The following IQCM variants were observed in gnomAD, a reference collection of about 807,000 sequenced individuals.
IQCM encodes IQ domain-containing protein M.
Under a neutral mutation model 57.6 loss-of-function variants are expected in IQCM, and 45 were observed. The ratio of observed to expected loss-of-function variants is 0.78; its 90% confidence interval spans 0.62 to 1.00. The LOEUF (loss-of-function observed/expected upper bound fraction) is 1.00, where lower values mean the gene tolerates loss of function less well. IQCM is among the 50% of genes least tolerant of loss of function. The probability of loss-of-function intolerance (pLI) is 0.00; values close to 1 mark genes in which losing one functional copy is unlikely to be tolerated. For synonymous variants in IQCM, 148 were observed against 158.9 expected (o/e 0.93, Z 0.51); for missense variants, 468 against 511.6 (o/e 0.91, Z 0.82).
intron 12 of IQCM, among the ~76,000 whole-genome samples, chr4:149,526,520 A>G (rs1746178393): frequency 6.6e-6 from 1 of 152,072 alleles, no homozygotes; most frequent in South Asian, 2.1e-4. Context: ...AATGTAAAAA[A>G]TGGCTCCTCA....
intron 12 of IQCM, among the ~76,000 whole-genome samples, chr4:149,476,147 C>T (rs1051001496): frequency 3.3e-5 from 5 of 152,052 alleles, no homozygotes; most frequent in African/African-American, 9.7e-5. Flanking sequence ...AGGGCTGAAT[C>T]TAGGGCACAA....
intron 10 of IQCM, among the ~76,000 whole-genome samples, 177 bp from the exon 11 acceptor site, chr4:149,553,464 G>A (rs757993218): frequency 6.6e-6 from 1 of 152,166 alleles, no homozygotes; most frequent in Non-Finnish European, 1.5e-5. Flanking sequence ...GAAGTTCAGA[G>A]ATTTCCATTA....
chr4:149,369,850 G>A, intron 13 of IQCM, among the ~76,000 whole-genome samples: 1 of 152,092 alleles, frequency 6.6e-6, no homozygotes, highest in East Asian at 1.9e-4. Flanking sequence ...TCACCAGAAA[G>A]TGATAAAAAT....
intron 5 of IQCM, among the ~76,000 whole-genome samples, chr4:149,712,029 C>T (rs1764598694): frequency 6.6e-6 from 1 of 152,072 alleles, no homozygotes; most frequent in Non-Finnish European, 1.5e-5. Context: ...GGACCAAAAC[C>T]AGAAGGATTT....
intron 2 of IQCM, among the ~76,000 whole-genome samples, chr4:149,813,718 T>A (rs567825734): frequency 6.6e-6 from 1 of 152,140 alleles, no homozygotes; most frequent in Non-Finnish European, 1.5e-5. Context: ...ATCTTTATAT[T>A]GAGCTAGAAC....
intron 13 of IQCM, among the ~76,000 whole-genome samples, chr4:149,359,811 CTT>C (rs753039911): frequency 2.6e-5 from 4 of 152,134 alleles, no homozygotes; most frequent in Non-Finnish European, 4.4e-5. Context: ...CCTGTGAACA[CTT>C]TAAAATTAAT....
chr4:149,354,652 A>G (rs1728832755), intron 13 of IQCM, among the ~76,000 whole-genome samples: 1 of 152,096 alleles, frequency 6.6e-6, no homozygotes, highest in African/African-American at 2.4e-5. Flanking sequence ...AAGAGTTAAA[A>G]TAGAAAGAAA....
chr4:149,562,151 A>T (rs1750186400), intron 10 of IQCM, among the ~76,000 whole-genome samples: 1 of 152,220 alleles, frequency 6.6e-6, no homozygotes, highest in Non-Finnish European at 1.5e-5. Context: ...TGTAAGCAAT[A>T]TAGGTCTTCA....
intron 13 of IQCM, among the ~76,000 whole-genome samples, chr4:149,407,169 C>G (rs115213394): frequency 2.6e-5 from 4 of 152,070 alleles, no homozygotes; most frequent in African/African-American, 9.7e-5. Flanking sequence ...ATTATCCCCC[C>G]CCAGGTCCCT....
intron 13 of IQCM, among the ~76,000 whole-genome samples, chr4:149,425,470 G>T (rs1734399713): frequency 6.6e-6 from 1 of 151,922 alleles, no homozygotes; most frequent in South Asian, 2.1e-4. Context: ...GGGGGTTGAT[G>T]GTGTAAGTCC....
chr4:149,642,723 G>T (rs901959130), intron 7 of IQCM, among the ~76,000 whole-genome samples: 14 of 152,176 alleles, frequency 9.2e-5, no homozygotes, highest in Middle Eastern at 3.4e-3. Context: ...CTTTCGTTTC[G>T]CTATGAGTTA....
At chr4:149,499,626 T>G (rs538540427) in intron 12 of IQCM, among the ~76,000 whole-genome samples, 1 of 152,204 alleles carries the variant, frequency 6.6e-6, no homozygotes, top group Admixed American at 6.6e-5. Context: ...TGGTCCTTAT[T>G]TATCATCTAA....
At chr4:149,660,129 T>C (rs979994927) in intron 7 of IQCM, among the ~76,000 whole-genome samples, 5 of 150,458 alleles carry the variant, frequency 3.3e-5, no homozygotes, top group Non-Finnish European at 7.4e-5. Context: ...TCAAACAAAT[T>C]TACAAGAAAA....
At chr4:149,405,413 A>C (rs545183445) in intron 13 of IQCM, among the ~76,000 whole-genome samples, 245 of 149,484 alleles carry the variant, frequency 1.6e-3, no homozygotes, top group African/African-American at 5.4e-3. Flanking sequence ...CTGTCAGGGG[A>C]TGGGGGGCTG....
At chr4:149,603,419 A>T (rs1303417337) in intron 8 of IQCM, among the ~76,000 whole-genome samples, 1 of 152,190 alleles carries the variant, frequency 6.6e-6, no homozygotes, top group South Asian at 2.1e-4. Flanking sequence ...TATGGCATCA[A>T]TTGTTTTATA....
At chr4:149,476,902 C>A (rs1740262263) in intron 12 of IQCM, among the ~76,000 whole-genome samples, 1 of 152,078 alleles carries the variant, frequency 6.6e-6, no homozygotes, top group Non-Finnish European at 1.5e-5. Context: ...ATAACAACAA[C>A]CTTTCATTTG....
In IQCM at chr4:149,461,353, T is replaced by C. The variant is rs190011164; in HGVS notation, c.1229-27796A>G. Among the ~76,000 whole-genome samples the C allele has an allele frequency of 2.0e-5, 3 of 152,208 alleles. No homozygotes were observed. In the East Asian group the frequency reaches 5.8e-4, roughly 29 times the overall value. On this transcript the variant is annotated intron_variant, in intron 12 of 13. Coordinates refer to ENST00000636793, the MANE Select transcript of IQCM (RefSeq NM_001363507.2). Reference sequence around the variant, plus strand: ...CATCTAATGACCACTTTTACAAGGTTATGATATCAATAATTATTTCCCCTT... The same window carrying C: ...CATCTAATGACCACTTTTACAAGGTCATGATATCAATAATTATTTCCCCTT...
chr4:149,547,165 G>T (rs1279885245), intron 12 of IQCM, among the ~76,000 whole-genome samples: 1 of 152,116 alleles, frequency 6.6e-6, no homozygotes, highest in African/African-American at 2.4e-5. Context: ...GCTCTGTTCT[G>T]TTCCATTGGT....
chr4:149,580,154 C>T (rs1752042422), intron 9 of IQCM, among the ~76,000 whole-genome samples: 1 of 151,674 alleles, frequency 6.6e-6, no homozygotes, highest in Admixed American at 6.6e-5. Context: ...GAAACGCAAG[C>T]CACAAAAGAT....
Sources: allele counts gnomAD v4.1 joint callset (sites outside exome capture counted in the v4.1 genomes callset), GRCh38; gene constraint gnomAD v4.1.1; transcripts MANE v1.5; gene names NCBI Gene and HGNC (gene_info 2026-07-23, HGNC 2026-07-21).